Variants in ZFHX3 observed in about 807,000 individuals in gnomAD.
ZFHX3 encodes zinc finger homeobox 3.
A neutral mutation model predicts 279.1 loss-of-function variants in ZFHX3; 42 were observed. The observed-to-expected ratio is 0.15, with a 90% CI of 0.12 to 0.19. ZFHX3 has a LOEUF of 0.19. Ranked by LOEUF, ZFHX3 falls within the 10% of genes least tolerant of loss-of-function variation. ZFHX3 has a pLI of 1.00. For missense variants in ZFHX3, 4,981 were observed against 4,754.0 expected, an observed-to-expected ratio of 1.05 and a Z score of -1.40; for synonymous variants, 2,293 against 1,957.8, an observed-to-expected ratio of 1.17 and a Z score of -4.52.
intron 2 of ZFHX3, among the ~76,000 whole-genome samples, chr16:73,670,034 C>T (rs2052886707): frequency 6.6e-6 from 1 of 152,188 alleles, no homozygotes; most frequent in Non-Finnish European, 1.5e-5. Context: ...CCTGCAGCGA[C>T]ACCAGGAAGG....
chr16:72,899,228 A>G (rs571907607), intron 3 of ZFHX3, among the ~76,000 whole-genome samples: 1 of 152,294 alleles, frequency 6.6e-6, no homozygotes, highest in South Asian at 2.1e-4. Flanking sequence ...TGTAGTCCCC[A>G]TAATCCCCAT....
intron 2 of ZFHX3, among the ~76,000 whole-genome samples, chr16:73,577,864 C>T (rs774400114): frequency 2.0e-5 from 3 of 152,130 alleles, no homozygotes; most frequent in African/African-American, 4.8e-5. Flanking sequence ...ATGGAAGAAA[C>T]GTCATAGTTA....
At chr16:73,175,449 G>A (rs1967641964) in intron 5 of ZFHX3, among the ~76,000 whole-genome samples, 1 of 152,108 alleles carries the variant, frequency 6.6e-6, no homozygotes, top group Admixed American at 6.6e-5. Context: ...TTGGTCTTGA[G>A]CCATCTCCCC....
intron 2 of ZFHX3, among the ~76,000 whole-genome samples, chr16:73,540,735 G>T (rs904360050): frequency 2.0e-5 from 3 of 152,118 alleles, no homozygotes; most frequent in Non-Finnish European, 4.4e-5. Flanking sequence ...ACTGTGCTCG[G>T]TGAACATACT....
intron 4 of ZFHX3, among the ~76,000 whole-genome samples, chr16:73,293,390 T>G (rs183434514): frequency 6.6e-6 from 1 of 152,170 alleles, no homozygotes; most frequent in Admixed American, 6.5e-5. Flanking sequence ...ACTAGGAGTT[T>G]CCATTGAAAT....
chr16:72,869,083 C>T (rs1248571710), intron 4 of ZFHX3, among the ~76,000 whole-genome samples: 1 of 152,178 alleles, frequency 6.6e-6, no homozygotes, highest in African/African-American at 2.4e-5. Flanking sequence ...CATTCATTTC[C>T]TTCAGATAAG....
chr16:73,845,763 A>G (rs897674232), intron 1 of ZFHX3, among the ~76,000 whole-genome samples: 1 of 152,198 alleles, frequency 6.6e-6, no homozygotes, highest in Admixed American at 6.5e-5. Flanking sequence ...GAAGTAAGGC[A>G]TGTCTCACTC....
intron 1 of ZFHX3, among the ~76,000 whole-genome samples, chr16:73,791,782 C>T (rs147643536): frequency 5.9e-5 from 9 of 152,312 alleles, no homozygotes; most frequent in African/African-American, 2.2e-4. Context: ...CTGGGAACCG[C>T]ACTTGCAAAC....
intron 1 of ZFHX3, among the ~76,000 whole-genome samples, chr16:73,830,905 C>G (rs533726187): frequency 4.6e-5 from 7 of 152,324 alleles, no homozygotes; most frequent in African/African-American, 1.7e-4. Context: ...ACAGACAAGA[C>G]AGCAAACTGT....
intron 1 of ZFHX3, among the ~76,000 whole-genome samples, chr16:73,803,598 CT>C (rs1960195528): frequency 6.6e-6 from 1 of 152,060 alleles, no homozygotes; most frequent in Admixed American, 6.5e-5. Context: ...TTATTTAATT[CT>C]TGAATGTTAT....
At chr16:73,374,888 G>T (rs1261594436) in intron 3 of ZFHX3, among the ~76,000 whole-genome samples, 5 of 152,278 alleles carry the variant, frequency 3.3e-5, no homozygotes, top group African/African-American at 1.2e-4. Context: ...GCTTGACAGG[G>T]TTAACTTCTT....
chr16:73,217,834 G>A (rs2012269820), intron 5 of ZFHX3, among the ~76,000 whole-genome samples: 1 of 151,992 alleles, frequency 6.6e-6, no homozygotes, highest in African/African-American at 2.4e-5. Flanking sequence ...CTCCAAGGCG[G>A]TCCAGACTTC....
chr16:73,163,892 C>T (rs1967299931), intron 5 of ZFHX3, among the ~76,000 whole-genome samples: 1 of 152,116 alleles, frequency 6.6e-6, no homozygotes, highest in Non-Finnish European at 1.5e-5. Context: ...TTAATAATAA[C>T]ATTATATTTC....
intron 5 of ZFHX3, among the ~76,000 whole-genome samples, chr16:73,157,256 T>TA (rs1332564229): frequency 2.6e-5 from 4 of 152,066 alleles, no homozygotes; most frequent in South Asian, 2.1e-4. Flanking sequence ...TGGTGCCTCT[T>TA]AAGTCCTGGG....
chr16:73,846,560 C>T (rs558743821), intron 1 of ZFHX3, among the ~76,000 whole-genome samples: 2 of 152,124 alleles, frequency 1.3e-5, no homozygotes, highest in African/African-American at 2.4e-5. Flanking sequence ...CCTATAAACA[C>T]GCTAATGAAT....
chr16:72,916,750 T>C (rs1018894983), intron 3 of ZFHX3, among the ~76,000 whole-genome samples: 2 of 152,056 alleles, frequency 1.3e-5, no homozygotes, highest in Non-Finnish European at 2.9e-5. Flanking sequence ...AAAGGATGGG[T>C]AGATTGCTTA....
intron 1 of ZFHX3, among the ~76,000 whole-genome samples, chr16:73,053,399 A>C (rs1005184591): frequency 5.3e-5 from 8 of 152,230 alleles, no homozygotes; most frequent in Admixed American, 2.6e-4. Context: ...TCTTTTTTTC[A>C]CAGCATGAGG....
chr16:73,847,804 C>A (rs2142376249), intron 1 of ZFHX3, among the ~76,000 whole-genome samples: 1 of 151,608 alleles, frequency 6.6e-6, no homozygotes, highest in East Asian at 1.9e-4. Flanking sequence ...GTGGCACAAT[C>A]TTGCCTCAGT....
intron 2 of ZFHX3, chr16:73,487,857 C>T (rs2019001202): frequency 6.5e-6 from 1 of 153,724 alleles, no homozygotes; most frequent in East Asian, 1.9e-4. Context: ...GCTGGGACTC[C>T]TTCTAGCACC....
Sources: allele counts gnomAD v4.1 joint callset (sites outside exome capture counted in the v4.1 genomes callset), GRCh38; gene constraint gnomAD v4.1.1; transcripts MANE v1.5; gene names NCBI Gene and HGNC (gene_info 2026-07-23, HGNC 2026-07-21).